STK39: variants seen among roughly 807,000 people sequenced by gnomAD.
The protein encoded by STK39 is serine/threonine kinase 39.
In STK39, 20 loss-of-function variants were observed where a neutral mutation model predicts 77.8. The ratio of observed to expected loss-of-function variants is 0.26; its 90% CI spans 0.18 to 0.37. The LOEUF is 0.37. STK39 is among the 10% of genes least tolerant of loss of function. STK39 has a pLI of 1.00. For synonymous variants in STK39, 246 were observed against 234.1 expected, an observed-to-expected ratio of 1.05 and a Z score of -0.47; for missense variants, 479 against 656.5, an observed-to-expected ratio of 0.73 and a Z score of 2.95.
At chr2:168,150,786 T>C (rs960387620) in intron 5 of STK39, among the ~76,000 whole-genome samples, 15 of 152,028 alleles carry the variant, frequency 9.9e-5, no homozygotes, top group Admixed American at 9.8e-4. Flanking sequence ...AATAAATATG[T>C]TGGCACTTTA....
chr2:168,046,975 G>A (rs909014766), intron 14 of STK39, among the ~76,000 whole-genome samples: 5 of 151,656 alleles, frequency 3.3e-5, no homozygotes, highest in Non-Finnish European at 5.9e-5. Flanking sequence ...TTTACCCAGC[G>A]AGTATAGATT....
At chr2:168,140,826 G>C (rs923095457) in intron 5 of STK39, 68 bp from the exon 6 acceptor site, 8 of 1,280,916 alleles carry the variant, frequency 6.2e-6, no homozygotes, top group African/African-American at 1.5e-5. Context: ...GTGATTTTTT[G>C]AGCATGTCTC....
chr2:168,223,832 T>C (rs757841176), intron 1 of STK39, among the ~76,000 whole-genome samples: 26 of 152,224 alleles, frequency 1.7e-4, no homozygotes, highest in Non-Finnish European at 3.2e-4. Context: ...AATGTTTGTA[T>C]CAGAATTATC....
chr2:168,032,095 C>G (rs540970580), intron 14 of STK39, among the ~76,000 whole-genome samples: 6 of 152,270 alleles, frequency 3.9e-5, no homozygotes, highest in Non-Finnish European at 7.3e-5. Context: ...GTAGAAAAAC[C>G]CTTGTGCTTA....
intron 10 of STK39, among the ~76,000 whole-genome samples, chr2:168,121,890 A>G (rs1322305822): frequency 6.6e-6 from 1 of 152,218 alleles, no homozygotes; most frequent in Non-Finnish European, 1.5e-5. Flanking sequence ...GGTTAGGCTC[A>G]GAGAGATTAG....
intron 1 of STK39, among the ~76,000 whole-genome samples, chr2:168,226,311 T>A (rs1488345243): frequency 1.3e-5 from 2 of 151,006 alleles, no homozygotes; most frequent in South Asian, 2.1e-4. Flanking sequence ...TTTTCCAGGA[T>A]GCTAGAAAAC....
At chr2:168,076,618 A>G (rs1686084680) in intron 10 of STK39, among the ~76,000 whole-genome samples, 1 of 152,238 alleles carries the variant, frequency 6.6e-6, no homozygotes, top group South Asian at 2.1e-4. Context: ...TTTGAGCTCC[A>G]ACATAGAAAG....
chr2:168,004,894 A>G (rs186476989), intron 16 of STK39, among the ~76,000 whole-genome samples: 11 of 151,576 alleles, frequency 7.3e-5, no homozygotes, highest in African/African-American at 2.4e-4. Flanking sequence ...AGAAACGTGC[A>G]TTTTTAATAA....
At chr2:168,183,133 C>T (rs1050636529) in intron 1 of STK39, among the ~76,000 whole-genome samples, 1 of 152,058 alleles carries the variant, frequency 6.6e-6, no homozygotes, top group Non-Finnish European at 1.5e-5. Context: ...CAGGGCTTTC[C>T]CACCCCAAGG....
intron 5 of STK39, 27 bp from the exon 6 acceptor site, chr2:168,140,785 A>G (rs1687961177): frequency 6.5e-7 from 1 of 1,541,308 alleles, no homozygotes; most frequent in Admixed American, 1.9e-5. Flanking sequence ...AATCACCTTT[A>G]TTTTATGTAA....
intron 1 of STK39, among the ~76,000 whole-genome samples, chr2:168,200,346 A>T (rs1689582047): frequency 6.6e-6 from 1 of 152,142 alleles, no homozygotes. Context: ...TAAAAGAAGC[A>T]TATTCCAAGG....
At chr2:167,983,431 G>A (rs532955089) in intron 16 of STK39, among the ~76,000 whole-genome samples, 155 of 130,094 alleles carry the variant, frequency 1.2e-3, no homozygotes, top group Non-Finnish European at 1.9e-3. Flanking sequence ...TCCAGCCTGC[G>A]CAACAAGAGT....
chr2:168,203,252 A>T (rs1346915376), intron 1 of STK39, among the ~76,000 whole-genome samples: 1 of 152,142 alleles, frequency 6.6e-6, no homozygotes, highest in Non-Finnish European at 1.5e-5. Flanking sequence ...TGCCTGAAAG[A>T]AGAAAGAGAA....
intron 14 of STK39, among the ~76,000 whole-genome samples, chr2:168,023,336 C>A (rs1288283771): frequency 7.2e-6 from 1 of 138,754 alleles, no homozygotes; most frequent in Non-Finnish European, 1.6e-5. Context: ...TTAAGTTTTT[C>A]TTCTTGTTCT....
intron 8 of STK39, among the ~76,000 whole-genome samples, chr2:168,131,950 A>G (rs962989581): frequency 1.3e-5 from 2 of 152,208 alleles, no homozygotes; most frequent in Admixed American, 1.3e-4. Flanking sequence ...TAGGCATACT[A>G]TAATGAAGAT....
At chr2:168,202,876 C>T (rs1255414979) in intron 1 of STK39, among the ~76,000 whole-genome samples, 2 of 152,050 alleles carry the variant, frequency 1.3e-5, no homozygotes, top group Non-Finnish European at 2.9e-5. Flanking sequence ...TTTCCATTTG[C>T]CCTTAAGAGC....
At chr2:168,088,969 CCTTT>C (rs1356743824) in intron 10 of STK39, among the ~76,000 whole-genome samples, 2 of 152,170 alleles carry the variant, frequency 1.3e-5, no homozygotes, top group East Asian at 1.9e-4. Context: ...GAGTAAACAG[CCTTT>C]CTTTCTCAGT....
chr2:168,226,175 C>T (rs1380907372), intron 1 of STK39, among the ~76,000 whole-genome samples: 1 of 152,070 alleles, frequency 6.6e-6, no homozygotes, highest in Non-Finnish European at 1.5e-5. Flanking sequence ...GCTGATTGGC[C>T]GGTTACACTA....
At chr2:168,167,973 G>T (rs1009173405) in intron 2 of STK39, among the ~76,000 whole-genome samples, 5 of 152,166 alleles carry the variant, frequency 3.3e-5, no homozygotes, top group African/African-American at 1.2e-4. Context: ...AAAAAAAGGA[G>T]GTGGCAGGGA....
Sources: gnomAD v4.1 joint callset for allele counts (sites outside exome capture counted in the v4.1 genomes callset) on GRCh38, gnomAD v4.1.1 for gene constraint, MANE v1.5 for transcripts, NCBI Gene and HGNC (gene_info 2026-07-23, HGNC 2026-07-21) for gene names.